KLB: variants seen among roughly 807,000 people sequenced by gnomAD.
The protein encoded by KLB is beta-klotho.
KLB carries 44 observed loss-of-function variants against 88.4 expected under a neutral mutation model. The observed-to-expected ratio is 0.50, with a 90% confidence interval of 0.39 to 0.64. The LOEUF is 0.64. Among genes scored for constraint, KLB ranks in the 30% least tolerant of loss-of-function variants. The pLI, the probability that KLB is intolerant of heterozygous loss-of-function variation, is 0.00. For missense variants in KLB, 1,137 were observed against 1,304.8 expected (o/e 0.87, Z 1.98); for synonymous variants, 548 against 513.4 (o/e 1.07, Z -0.91).
At chr4:39,431,471 G>T (rs1332655701) in intron 1 of KLB, among the ~76,000 whole-genome samples, 1 of 151,858 alleles carries the variant, frequency 6.6e-6, no homozygotes, top group African/African-American at 2.4e-5. Flanking sequence ...GGCTGGTCTG[G>T]AACTCCCGAC....
Position 39,446,942 on chromosome 4 carries a change from C to CGCGCGGG in KLB, c.2218_2219insGCGGGGC (p.Leu740ArgfsTer18), listed in dbSNP as rs1315087378. 6.2e-7 allele frequency: 1 copy of CGCGCGGG among 1,604,782 alleles called. No individual in the cohort carries two copies. The highest frequency in any genetic ancestry group is 8.5e-7 in the Non-Finnish European group (1 of 1,178,846). On this transcript the variant is annotated frameshift_variant, in exon 4 of 5. Coordinates refer to ENST00000257408, the MANE Select transcript of KLB (RefSeq NM_175737.4). LOFTEE classifies it high-confidence loss of function. This position sits in a 1 kb window ranked among gnomAD's most constrained non-coding sequence, Gnocchi z 6.4. The stretch of plus-strand genomic sequence containing the variant: ...AGGCCCTCACAGCGCGGGGCCGTGT[C>CGCGCGGG]GCTGTCGCTGCACGCGGACTGGGCG...
intron 2 of KLB, 105 bp downstream of exon 2, chr4:39,434,825 GA>G (rs1463820401): frequency 3.5e-5 from 29 of 825,130 alleles, no homozygotes; most frequent in Non-Finnish European, 4.7e-5. Flanking sequence ...TTTTTTTTTT[GA>G]AACGGAGTTT....
intron 1 of KLB, among the ~76,000 whole-genome samples, chr4:39,408,314 G>A (rs577742646): frequency 6.6e-6 from 1 of 152,222 alleles, no homozygotes; most frequent in Admixed American, 6.5e-5. Context: ...AAAAAGAGAA[G>A]ATTAATTGTT....
At position 39,406,979 on chromosome 4, in the gene KLB, A is replaced by G; in HGVS notation, c.30A>G (p.Pro10=). 1.2e-6 allele frequency: 2 copies of G among 1,612,316 alleles called. No individual in the cohort carries two copies. Among genetic ancestry groups the G allele is most frequent in the Non-Finnish European group, 1.7e-6 (2 of 1,178,506 alleles). ...AGCCAGGCTGTGCGGCAGGATCTCCAGGGAATGAATGGATTTTCTTCAGCA... is the reference window on the plus strand; with the variant it reads ...AGCCAGGCTGTGCGGCAGGATCTCCGGGGAATGAATGGATTTTCTTCAGCA... MKPGCAAGS[P]GNEWIFFSTD... is the part of the protein sequence containing the mutation. Residue 10 remains proline (P), a synonymous_variant, in exon 1 of 5, where the codon CCA becomes CCG. Transcript: ENST00000257408.
intron 1 of KLB, among the ~76,000 whole-genome samples, chr4:39,415,735 G>A (rs1207512687): frequency 2.0e-5 from 3 of 151,880 alleles, no homozygotes; most frequent in South Asian, 2.1e-4. Context: ...ATATGTCAAC[G>A]CTTTTTATAT....
At chr4:39,439,233 A>C (rs963285063) in intron 3 of KLB, among the ~76,000 whole-genome samples, 2 of 152,088 alleles carry the variant, frequency 1.3e-5, no homozygotes, top group African/African-American at 4.8e-5. Flanking sequence ...TCCTGGGCTC[A>C]AACACACATC....
chr4:39,409,521 C>T (rs1344813175), intron 1 of KLB, among the ~76,000 whole-genome samples: 2 of 150,616 alleles, frequency 1.3e-5, no homozygotes, highest in African/African-American at 4.9e-5. Context: ...CAACTCCTGA[C>T]CTCATGATCC....
chr4:39,442,374 T>C (rs1195658412), intron 3 of KLB, among the ~76,000 whole-genome samples: 2 of 152,094 alleles, frequency 1.3e-5, no homozygotes, highest in Non-Finnish European at 2.9e-5. Flanking sequence ...CATATTCCCT[T>C]CATCAAGACT....
At chr4:39,439,150 A>G (rs1177831432) in intron 3 of KLB, among the ~76,000 whole-genome samples, 3 of 151,824 alleles carry the variant, frequency 2.0e-5, no homozygotes, top group Non-Finnish European at 4.4e-5. Context: ...GGTTCACACC[A>G]CTATGCCCAG....
chr4:39,426,023 C>A (rs997888557), intron 1 of KLB, among the ~76,000 whole-genome samples: 26 of 151,932 alleles, frequency 1.7e-4, no homozygotes, highest in African/African-American at 6.3e-4. Flanking sequence ...GAGGCCGAGG[C>A]GGGCGGATCA....
At chr4:39,419,249 T>C (rs3860070) in intron 1 of KLB, among the ~76,000 whole-genome samples, 9,277 of 152,242 alleles carry the variant, frequency 0.061, 330 homozygotes, top group African/African-American at 0.075. Flanking sequence ...TAATTATAAA[T>C]GCTCAGAGAA....
rs1377527307 is a variant in KLB, at chr4:39,450,416, T to C, written c.*1730T>C. The C allele has an allele frequency of 6.6e-6, 1 of 152,196 alleles. No homozygotes were observed. 9.4% of individuals were successfully genotyped at this position (152,196 alleles called of 1,614,324 possible). On this transcript the variant is annotated 3_prime_UTR_variant, in exon 5 of 5. Coordinates refer to ENST00000257408, the MANE Select transcript of KLB (RefSeq NM_175737.4). The stretch of plus-strand genomic sequence containing the variant: ...CCTATGTCTGAAGCTAAATTCAGTA[T>C]CTAACTGCTAATGAACAAGTTTCCA...
At position 39,407,162 on chromosome 4, in the gene KLB, T is replaced by C. The variant is rs1466565423; in HGVS notation, c.213T>C (p.Asn71=). 5 of 1,614,142 alleles carry C rather than the reference T, an allele frequency of 3.1e-6. No individual in the cohort carries two copies. The highest frequency in any genetic ancestry group is 4.2e-6 in the Non-Finnish European group (5 of 1,179,988). ...WSKNPNFTPV[N]ESQLFLYDTF... The stretch of plus-strand genomic sequence containing the variant: ...AAAATCCTAATTTTACTCCGGTAAA[T>C]GAAAGTCAGCTGTTTCTCTATGACA... Residue 71 remains asparagine, a synonymous_variant, in exon 1 of 5, where the codon AAT becomes AAC. Coordinates refer to ENST00000257408, the MANE Select transcript of KLB (RefSeq NM_175737.4).
In KLB at chr4:39,447,142, C is replaced by T; in HGVS notation, c.2416C>T (p.Leu806Phe). The change falls in exon 4 of 5, where the codon CTC (leucine) becomes TTC (phenylalanine). Residue 806 changes from leucine (L) to phenylalanine (F), a missense_variant. Leu to Phe is a conservative substitution (Grantham distance 22). Transcript: ENST00000257408. ...GCTTTCCAGCTCGGCCCTGCCGCGC[C>T]TCACCGAGGCCGAAAGGAGGCTGCT... is the stretch of plus-strand genomic sequence containing the variant. ...RGLSSSALPR[L>F]TEAERRLLKG... 1 of 1,613,672 alleles carries T rather than the reference C, an allele frequency of 6.2e-7. No homozygotes were observed. Among genetic ancestry groups the T allele is most frequent in the Non-Finnish European group, 8.5e-7 (1 of 1,180,024 alleles).
In KLB at chr4:39,407,489, C is replaced by T. The variant is rs146188956; in HGVS notation, c.540C>T (p.Asp180=). ...KGLQYYSTLL[D]ALVLRNIEPI... ...TGCAGTACTACAGTACTCTTCTGGA[C>T]GCTCTAGTGCTTAGAAACATTGAAC... Residue 180 remains aspartate (D), a synonymous_variant, in exon 1 of 5, where the codon GAC becomes GAT. Coordinates refer to ENST00000257408, the MANE Select transcript of KLB (RefSeq NM_175737.4). 9.9e-5 allele frequency: 159 copies of T among 1,614,036 alleles called. No individual in the cohort carries two copies. The highest frequency in any genetic ancestry group is 8.3e-5 in the Admixed American group (5 of 60,000).
chr4:39,431,843 G>A (rs1240056366), intron 1 of KLB, among the ~76,000 whole-genome samples: 1 of 152,160 alleles, frequency 6.6e-6, no homozygotes, highest in Non-Finnish European at 1.5e-5. Context: ...GTTCATATCT[G>A]CTTGTCTTTG....
chr4:39,413,263 T>C (rs1328591162), intron 1 of KLB, among the ~76,000 whole-genome samples: 1 of 152,250 alleles, frequency 6.6e-6, no homozygotes, highest in Non-Finnish European at 1.5e-5. Context: ...GTTTTCATTC[T>C]ATTTTTAAAT....
chr4:39,450,205 AG>A lies in KLB; in HGVS notation c.*1520del, dbSNP rs1372861616. ...TCAGTGTATTTTAAACATCTGAGGA[AG>A]AAAACTTAAATATGCACCTATTTAT... is the stretch of plus-strand genomic sequence containing the variant. On this transcript the variant is annotated 3_prime_UTR_variant, in exon 5 of 5. Coordinates refer to ENST00000257408, the MANE Select transcript of KLB (RefSeq NM_175737.4). 6.6e-6 allele frequency: 1 copy of A among 152,246 alleles called. No homozygotes were observed. Among genetic ancestry groups the A allele is most frequent in the African/African-American group, 2.4e-5 (1 of 41,472 alleles). The allele number at this position is 152,246 out of a possible 1,614,324, so 9.4% of individuals were successfully genotyped here.
chr4:39,442,937 C>A (rs530692746), intron 3 of KLB, among the ~76,000 whole-genome samples: 58 of 152,102 alleles, frequency 3.8e-4, no homozygotes, highest in African/African-American at 1.4e-3. Flanking sequence ...TTAAAAAAAT[C>A]TTTGATTAAG....
Sources: allele counts gnomAD v4.1 joint callset (sites outside exome capture counted in the v4.1 genomes callset), GRCh38; gene constraint gnomAD v4.1.1; non-coding constraint Gnocchi (gnomAD v3.1); transcripts MANE v1.5; gene names NCBI Gene and HGNC (gene_info 2026-07-23, HGNC 2026-07-21).